LNP1: variants seen among roughly 807,000 people sequenced by gnomAD.
The protein encoded by LNP1 is leukemia NUP98 fusion partner 1.
A neutral mutation model predicts 14.5 loss-of-function variants in LNP1; 12 were observed. The observed-to-expected ratio is 0.83, with a 90% CI of 0.53 to 1.34. LNP1 has a LOEUF of 1.34. Ranked by LOEUF, LNP1 falls within the 40% of genes most tolerant of loss-of-function variation. LNP1 has a pLI of 0.00. For synonymous variants in LNP1, 75 were observed against 71.4 expected (o/e 1.05, Z -0.26); for missense variants, 198 against 210.9 (o/e 0.94, Z 0.38).
intron 3 of LNP1, among the ~76,000 whole-genome samples, chr3:100,455,033 C>T (rs932768564): frequency 3.9e-5 from 6 of 152,178 alleles, no homozygotes; most frequent in Admixed American, 3.3e-4. Flanking sequence ...CTTTGAAAGG[C>T]ACCCTCTGGC....
chr3:100,413,759 GAA>G (rs1487843559), intron 1 of LNP1, among the ~76,000 whole-genome samples: 1 of 152,226 alleles, frequency 6.6e-6, no homozygotes, highest in Non-Finnish European at 1.5e-5. Flanking sequence ...TCTGCCTGGA[GAA>G]AGGTGCTTCT....
At position 100,455,778 on chromosome 3, in the gene LNP1, G is replaced by T. The variant is rs1333521605; in HGVS notation, c.389G>T (p.Gly130Val). The T allele has an allele frequency of 1.2e-6, 2 of 1,613,630 alleles. No individual in the cohort carries two copies. The highest frequency in any genetic ancestry group is 2.7e-5 in the African/African-American group (2 of 74,974). The change falls in exon 4 of 4, where the codon GGA (glycine) becomes GTA (valine). Residue 130 changes from glycine to valine, a missense_variant and splice_region_variant. By Grantham distance (109) the Gly-to-Val change is moderately radical. Coordinates refer to ENST00000383693, the MANE Select transcript of LNP1 (RefSeq NM_001085451.2). ...CFRTKRSASL[G>V]PESRKERNER... is the part of the protein sequence containing the mutation. Reference sequence around the variant, plus strand: ...CTGTTTCTGATCTTTCCCTTTCAGGGACCTGAAAGCAGAAAGGAGAGAAAT... The same window carrying T: ...CTGTTTCTGATCTTTCCCTTTCAGGTACCTGAAAGCAGAAAGGAGAGAAAT...
intron 2 of LNP1, among the ~76,000 whole-genome samples, chr3:100,432,980 A>G (rs900208007): frequency 3.9e-5 from 6 of 152,320 alleles, no homozygotes; most frequent in Admixed American, 3.9e-4. Context: ...GGAAGTCACC[A>G]TATGTACTTG....
chr3:100,409,602 ATATAT>A (rs1249805099), intron 1 of LNP1, among the ~76,000 whole-genome samples: 2 of 114,132 alleles, frequency 1.8e-5, no homozygotes, highest in African/African-American at 6.9e-5. Flanking sequence ...ATATATATAT[ATATAT>A]TTTTTTTTTT....
chr3:100,452,706 A>G (rs1276361219), intron 3 of LNP1, among the ~76,000 whole-genome samples: 4 of 152,210 alleles, frequency 2.6e-5, no homozygotes, highest in Non-Finnish European at 5.9e-5. Context: ...CTGTCTAGTA[A>G]GTATCCAGGA....
chr3:100,416,358 T>G (rs1036281268), intron 1 of LNP1, among the ~76,000 whole-genome samples: 1 of 152,240 alleles, frequency 6.6e-6, no homozygotes, highest in African/African-American at 2.4e-5. Flanking sequence ...AAGGTCATTT[T>G]GTTTATTTCC....
intron 2 of LNP1, among the ~76,000 whole-genome samples, chr3:100,442,058 T>A (rs996436857): frequency 1.3e-5 from 2 of 152,210 alleles, no homozygotes; most frequent in African/African-American, 4.8e-5. Flanking sequence ...ATATAGGAAT[T>A]ACATGAATAT....
chr3:100,408,740 G>C (rs1282953913), intron 1 of LNP1, among the ~76,000 whole-genome samples: 2 of 152,118 alleles, frequency 1.3e-5, no homozygotes, highest in Non-Finnish European at 2.9e-5. Context: ...TGGGGTCCAA[G>C]GCAAAGTCTT....
intron 1 of LNP1, among the ~76,000 whole-genome samples, chr3:100,420,514 C>T (rs1707133896): frequency 6.6e-6 from 1 of 151,664 alleles, no homozygotes; most frequent in Non-Finnish European, 1.5e-5. Flanking sequence ...ACAGGGTCTC[C>T]CTATGTTGCC....
chr3:100,436,571 C>A (rs930567688), intron 2 of LNP1, among the ~76,000 whole-genome samples: 2 of 152,086 alleles, frequency 1.3e-5, no homozygotes, highest in Non-Finnish European at 2.9e-5. Context: ...TTTCCAGATG[C>A]CTTCAGCTAA....
At chr3:100,429,103 T>G (rs1352512449) in intron 1 of LNP1, among the ~76,000 whole-genome samples, 1 of 152,216 alleles carries the variant, frequency 6.6e-6, no homozygotes, top group East Asian at 1.9e-4. Flanking sequence ...TACACGTACT[T>G]GTATATTATT....
intron 1 of LNP1, among the ~76,000 whole-genome samples, chr3:100,407,880 T>C (rs903487395): frequency 6.6e-6 from 1 of 152,184 alleles, no homozygotes; most frequent in Admixed American, 6.5e-5. Context: ...CTCTTGATGC[T>C]CTCTATTACA....
intron 2 of LNP1, among the ~76,000 whole-genome samples, chr3:100,436,267 T>C (rs1707293256): frequency 6.6e-6 from 1 of 152,158 alleles, no homozygotes; most frequent in Admixed American, 6.6e-5. Context: ...GGATCTCTAT[T>C]TTAACATTAA....
intron 1 of LNP1, among the ~76,000 whole-genome samples, chr3:100,403,797 ACT>A (rs1559838039): frequency 6.6e-6 from 1 of 152,044 alleles, no homozygotes. Context: ...ACCATGGGCA[ACT>A]CTGCTTTCTT....
chr3:100,422,880 C>T (rs1286432720), intron 1 of LNP1, among the ~76,000 whole-genome samples: 5 of 139,698 alleles, frequency 3.6e-5, no homozygotes, highest in South Asian at 2.3e-4. Context: ...ACATGCTTCA[C>T]GGCTTTTTAG....
At position 100,456,047 on chromosome 3, in the gene LNP1, C is replaced by T; in HGVS notation, c.*121C>T. On this transcript the variant is annotated 3_prime_UTR_variant, in exon 4 of 4. Transcript: ENST00000383693. ...TGGGGGTAAAAACAGCTATAAAAAG[C>T]AACTGCAGATGCTGACTGACTGCAG... is the stretch of plus-strand genomic sequence containing the variant. 1 of 1,039,394 alleles carries T rather than the reference C, an allele frequency of 9.6e-7. No individual in the cohort carries two copies. The highest frequency in any genetic ancestry group is 1.4e-6 in the Non-Finnish European group (1 of 705,836). 64.4% of individuals were successfully genotyped at this position (1,039,394 alleles called of 1,614,324 possible).
chr3:100,417,605 G>A (rs1416972590), intron 1 of LNP1, among the ~76,000 whole-genome samples: 1 of 151,614 alleles, frequency 6.6e-6, no homozygotes, highest in African/African-American at 2.4e-5. Flanking sequence ...TCTTGAACTC[G>A]TGACCTCAAA....
At chr3:100,424,175 G>A (rs188388475) in intron 1 of LNP1, among the ~76,000 whole-genome samples, 113 of 152,160 alleles carry the variant, frequency 7.4e-4, no homozygotes, top group Non-Finnish European at 1.2e-3. Flanking sequence ...TCTTTCTGGG[G>A]TATATTTACA....
Position 100,456,003 on chromosome 3 carries a change from A to G in LNP1, c.*77A>G. 2 of 1,487,166 alleles carry G rather than the reference A, an allele frequency of 1.3e-6. No individual in the cohort carries two copies. Among genetic ancestry groups the G allele is most frequent in the Non-Finnish European group, 1.8e-6 (2 of 1,098,370 alleles). The allele number at this position is 1,487,166 out of a possible 1,614,324, so 92.1% of individuals were successfully genotyped here. ...TTGAGCCCCAATTCACCATTTCAGGATGTGGATGGGGGCGGGGTTGGGGGT... is the reference window on the plus strand; with the variant it reads ...TTGAGCCCCAATTCACCATTTCAGGGTGTGGATGGGGGCGGGGTTGGGGGT... On this transcript the variant is annotated 3_prime_UTR_variant, in exon 4 of 4. Coordinates refer to ENST00000383693, the MANE Select transcript of LNP1 (RefSeq NM_001085451.2).
Sources: allele counts gnomAD v4.1 joint callset (sites outside exome capture counted in the v4.1 genomes callset), GRCh38; gene constraint gnomAD v4.1.1; transcripts MANE v1.5; gene names NCBI Gene and HGNC (gene_info 2026-07-23, HGNC 2026-07-21).